Variants in MSH4 observed in about 807,000 individuals in gnomAD.
MSH4 encodes the protein mutS protein homolog 4.
In MSH4, 106 loss-of-function variants were observed where a neutral mutation model predicts 113.7. The observed-to-expected ratio is 0.93, with a 90% CI of 0.80 to 1.10. The LOEUF is 1.10. Among genes scored for constraint, MSH4 ranks in the 50% least tolerant of loss-of-function variants. The pLI, the probability that MSH4 is intolerant of heterozygous loss-of-function variation, is 0.00. For missense variants in MSH4, 1,061 were observed against 1,093.7 expected (o/e 0.97, Z 0.42); for synonymous variants, 368 against 380.2 (o/e 0.97, Z 0.37).
At chr1:75,802,614 C>T (rs1362652510) in intron 1 of MSH4, among the ~76,000 whole-genome samples, 1 of 152,060 alleles carries the variant, frequency 6.6e-6, no homozygotes, top group African/African-American at 2.4e-5. Flanking sequence ...AAATAAGGAA[C>T]TGAAGCCAAT....
rs1385239381 is a variant in MSH4 at position 75,801,134 on chromosome 1, A to C, written c.245-2597A>C. Reference sequence around the variant, plus strand: ...AATATGTAGAAATAAAGCCATTTTTAATTGAAACATAGCCATTCTCATTTA... The same window carrying C: ...AATATGTAGAAATAAAGCCATTTTTCATTGAAACATAGCCATTCTCATTTA... On this transcript the variant is annotated intron_variant, in intron 1 of 19. Transcript: ENST00000263187. Among the ~76,000 whole-genome samples the C allele has an allele frequency of 2.0e-5, 3 of 152,230 alleles. No individual in the cohort carries two copies. In the South Asian group the frequency reaches 6.2e-4, roughly 32 times the overall value.
At chr1:75,884,796 G>C (rs181082045) in intron 15 of MSH4, among the ~76,000 whole-genome samples, 314 of 151,858 alleles carry the variant, frequency 2.1e-3, no homozygotes, top group Middle Eastern at 3.4e-3. Flanking sequence ...GACAATCAGA[G>C]ACAAATGAGT....
chr1:75,890,874 C>A, intron 17 of MSH4, 50 bp downstream of exon 17: 3 of 1,373,284 alleles, frequency 2.2e-6, no homozygotes, highest in Non-Finnish European at 3.0e-6. Context: ...TTTATGTATC[C>A]TTTTATTATT....
At chr1:75,803,531 C>G (rs991247558) in intron 1 of MSH4, among the ~76,000 whole-genome samples, 200 bp from the exon 2 acceptor site, 12 of 152,040 alleles carry the variant, frequency 7.9e-5, no homozygotes, top group Admixed American at 7.2e-4. Flanking sequence ...GCAGGAGGAT[C>G]ACTTGAACTT....
Position 75,830,046 on chromosome 1 carries a change from G to T in MSH4, c.1162+7465G>T, listed in dbSNP as rs528820394. 2.0e-5 allele frequency among the ~76,000 whole-genome samples: 3 copies of T among 152,212 alleles called. No homozygotes were observed. In the South Asian group the frequency reaches 6.2e-4, roughly 32 times the overall value. ...AAAGAAGCTAAAAACTTTGAAAAAA[G>T]ATGAGACATATGGCTAACTAGAACA... On this transcript the variant is annotated intron_variant, in intron 7 of 19. Coordinates refer to ENST00000263187, the MANE Select transcript of MSH4 (RefSeq NM_002440.4).
At chr1:75,872,205 A>G (rs1651728921) in intron 9 of MSH4, among the ~76,000 whole-genome samples, 1 of 152,192 alleles carries the variant, frequency 6.6e-6, no homozygotes. Flanking sequence ...ACAAAGGGTA[A>G]CACAATGACA....
chr1:75,797,970 G>A (rs1439658544), intron 1 of MSH4, among the ~76,000 whole-genome samples: 2 of 152,082 alleles, frequency 1.3e-5, no homozygotes, highest in African/African-American at 4.8e-5. Context: ...AAAGATGCAT[G>A]TCCTTCAAAT....
chr1:75,905,897 G>A (rs370563508), intron 19 of MSH4, among the ~76,000 whole-genome samples: 4 of 152,040 alleles, frequency 2.6e-5, no homozygotes, highest in South Asian at 4.1e-4. Context: ...TTATTTATCT[G>A]GAATATCTTC....
chr1:75,867,389 T>C (rs758197676), intron 8 of MSH4, 125 bp from the exon 9 acceptor site: 1 of 607,948 alleles, frequency 1.6e-6, no homozygotes, highest in Non-Finnish European at 2.8e-6. Context: ...TAGGCTTGCA[T>C]TGCGGCTAGG....
intron 8 of MSH4, among the ~76,000 whole-genome samples, chr1:75,854,895 A>G (rs1249564250): frequency 6.6e-6 from 1 of 152,220 alleles, no homozygotes; most frequent in African/African-American, 2.4e-5. Flanking sequence ...ACTGCTTTGG[A>G]TGATATTTTT....
chr1:75,835,461 T>A (rs748818655), intron 7 of MSH4, among the ~76,000 whole-genome samples: 2 of 152,214 alleles, frequency 1.3e-5, no homozygotes, highest in Non-Finnish European at 2.9e-5. Context: ...CATTTAATCA[T>A]GTTACATTGG....
chr1:75,808,000 TTGAC>T (rs757734698), intron 3 of MSH4, among the ~76,000 whole-genome samples: 1 of 152,192 alleles, frequency 6.6e-6, no homozygotes, highest in African/African-American at 2.4e-5. Flanking sequence ...TATCACAACA[TTGAC>T]TGTGTGTAAG....
intron 19 of MSH4, among the ~76,000 whole-genome samples, chr1:75,906,798 G>A (rs1419395848): frequency 6.8e-6 from 1 of 146,984 alleles, no homozygotes; most frequent in Non-Finnish European, 1.5e-5. Context: ...TTCTTTAAAG[G>A]TGTCTGTAGT....
intron 6 of MSH4, among the ~76,000 whole-genome samples, chr1:75,818,751 CG>C (rs928442241): frequency 7.4e-5 from 4 of 53,798 alleles, no homozygotes; most frequent in East Asian, 8.6e-4. Context: ...CTGTATATTC[CG>C]TTTTTTTTGT....
intron 9 of MSH4, among the ~76,000 whole-genome samples, chr1:75,873,407 A>T (rs75399471): frequency 0.076 from 11,531 of 152,054 alleles, 716 homozygotes; most frequent in East Asian, 0.27. Context: ...CTTTTTAAAA[A>T]TTTTTTAATT....
intron 8 of MSH4, among the ~76,000 whole-genome samples, chr1:75,863,750 A>G (rs914291154): frequency 5.3e-5 from 8 of 152,202 alleles, no homozygotes; most frequent in Admixed American, 1.3e-4. Context: ...TTTGACTCAG[A>G]TGAACACACT....
intron 17 of MSH4, among the ~76,000 whole-genome samples, chr1:75,896,398 A>G (rs1016612815): frequency 1.4e-4 from 15 of 110,332 alleles, no homozygotes; most frequent in Non-Finnish European, 2.5e-4. Context: ...CACACACCCT[A>G]TTGGTCTCTT....
chr1:75,816,611 A>T, intron 6 of MSH4, 65 bp downstream of exon 6: 1 of 986,098 alleles, frequency 1.0e-6, no homozygotes, highest in Non-Finnish European at 1.4e-6. Flanking sequence ...ATTAATGGTA[A>T]CTTTAAAGTT....
intron 7 of MSH4, among the ~76,000 whole-genome samples, chr1:75,846,109 C>CTATGCCAGGATTAAGGAAGCATT (rs5745396): frequency 6.6e-6 from 1 of 151,976 alleles, no homozygotes; most frequent in African/African-American, 2.4e-5. Context: ...TTCCAAGGTG[C>CTATGCCAGGATTAAGGAAGCATT]TGCAGGGCAG....
Sources: allele counts gnomAD v4.1 joint callset (sites outside exome capture counted in the v4.1 genomes callset), GRCh38; gene constraint gnomAD v4.1.1; transcripts MANE v1.5; gene names NCBI Gene and HGNC (gene_info 2026-07-23, HGNC 2026-07-21).